The following PPP2R2C variants were observed in gnomAD, a reference collection of about 807,000 sequenced individuals.
PPP2R2C encodes protein phosphatase 2, regulatory subunit B, gamma.
PPP2R2C carries 10 observed loss-of-function variants against 45.3 expected under a neutral mutation model. The ratio of observed to expected loss-of-function variants is 0.22; its 90% confidence interval spans 0.14 to 0.37. PPP2R2C has a LOEUF of 0.37. PPP2R2C is among the 10% of genes least tolerant of loss of function. PPP2R2C has a pLI of 1.00. For missense variants in PPP2R2C, 308 were observed against 619.7 expected (o/e 0.50, Z 5.34); for synonymous variants, 257 against 245.4 (o/e 1.05, Z -0.44).
intron 1 of PPP2R2C, among the ~76,000 whole-genome samples, chr4:6,461,169 C>T (rs1439204386): frequency 2.0e-5 from 3 of 152,182 alleles, no homozygotes; most frequent in African/African-American, 7.2e-5. Flanking sequence ...TCCTAGCCAC[C>T]GCATGACTCT....
At chr4:6,509,310 T>A (rs972816452) in intron 2 of PPP2R2C, among the ~76,000 whole-genome samples, 1 of 152,134 alleles carries the variant, frequency 6.6e-6, no homozygotes, top group African/African-American at 2.4e-5. Context: ...GGTATCTTCA[T>A]CTCAGTCTGC....
chr4:6,460,958 C>T (rs1189303678), intron 1 of PPP2R2C, among the ~76,000 whole-genome samples: 1 of 152,118 alleles, frequency 6.6e-6, no homozygotes, highest in Non-Finnish European at 1.5e-5. Context: ...CCCACTCCAC[C>T]CCACCCCACA....
chr4:6,539,579 C>T (rs1440776408), intron 1 of PPP2R2C, among the ~76,000 whole-genome samples: 1 of 150,166 alleles, frequency 6.7e-6, no homozygotes, highest in Non-Finnish European at 1.5e-5. Context: ...TGCTTTCCTT[C>T]TCCCCTTCAA....
rs542629037 is a variant in PPP2R2C at position 6,450,625 on chromosome 4, C to T, written c.70+21535G>A. 5.3e-5 allele frequency among the ~76,000 whole-genome samples: 8 copies of T among 152,312 alleles called. No individual in the cohort carries two copies. In the South Asian group the frequency reaches 1.5e-3, roughly 28 times the overall value. Reference sequence around the variant, plus strand: ...ACCCCAGACACAGCACCCACCCAGGCAGCTGCCTGGAGCCCCAGAGGTGCA... The same window carrying T: ...ACCCCAGACACAGCACCCACCCAGGTAGCTGCCTGGAGCCCCAGAGGTGCA... On this transcript the variant is annotated intron_variant, in intron 1 of 8. Coordinates refer to ENST00000382599, the MANE Select transcript of PPP2R2C (RefSeq NM_020416.4).
intron 1 of PPP2R2C, among the ~76,000 whole-genome samples, chr4:6,535,896 G>A (rs1023532776): frequency 5.1e-4 from 77 of 152,158 alleles, no homozygotes; most frequent in African/African-American, 1.6e-3. Context: ...CTGAACTGTC[G>A]CCACCTCCAG....
In PPP2R2C at chr4:6,378,434, C is replaced by T; in HGVS notation, c.307G>A (p.Ala103Thr). The part of the protein sequence containing the change: ...NKIKWLPQQN[A>T]AHSLLSTNDK... ...TTGGTGGACAGGAGTGAGTGGGCGGCGTTCTGCTGTGGGAGCCACTTGATC... is the reference window on the plus strand; with the variant it reads ...TTGGTGGACAGGAGTGAGTGGGCGGTGTTCTGCTGTGGGAGCCACTTGATC... The change falls in exon 3 of 9, where the codon GCC becomes ACC. Residue 103 changes from alanine to threonine, a missense_variant. Coordinates refer to ENST00000382599, the MANE Select transcript of PPP2R2C (RefSeq NM_020416.4). The surrounding 1 kb of genome is among the most constrained non-coding windows in gnomAD (Gnocchi z 5.2). 5 of 1,614,182 alleles carry T rather than the reference C, an allele frequency of 3.1e-6. No individual in the cohort carries two copies. The highest frequency in any genetic ancestry group is 1.1e-5 in the South Asian group (1 of 91,090).
Position 6,346,323 on chromosome 4 carries a change from A to G in PPP2R2C, c.790+1523T>C, listed in dbSNP as rs1048067843. On this transcript the variant is annotated intron_variant, in intron 6 of 8. Transcript: ENST00000382599. ...CCCTTGACCTACAGGCAATGTGTGGAGTCACGGCCACTGCAGTGCCCTCCT... is the reference window on the plus strand; with the variant it reads ...CCCTTGACCTACAGGCAATGTGTGGGGTCACGGCCACTGCAGTGCCCTCCT... Among the ~76,000 whole-genome samples the G allele has an allele frequency of 2.0e-5, 3 of 152,246 alleles. No homozygotes were observed. The South Asian group carries it at 6.2e-4, about 32-fold the overall frequency.
chr4:6,524,293 C>G (rs528104507), intron 2 of PPP2R2C, among the ~76,000 whole-genome samples: 4 of 152,208 alleles, frequency 2.6e-5, no homozygotes, highest in African/African-American at 9.6e-5. Flanking sequence ...ATGAAAGAAG[C>G]TGAATGTAAG....
intron 1 of PPP2R2C, among the ~76,000 whole-genome samples, chr4:6,456,588 C>T (rs1721050826): frequency 6.6e-6 from 1 of 152,208 alleles, no homozygotes; most frequent in African/African-American, 2.4e-5. Context: ...CAGCCCCTCG[C>T]TCCTTCGGTC....
In PPP2R2C at chr4:6,330,361, C is replaced by T. The variant is rs1315435034; in HGVS notation, c.961-1008G>A. On this transcript the variant is annotated intron_variant, in intron 7 of 8. Coordinates refer to ENST00000382599, the MANE Select transcript of PPP2R2C (RefSeq NM_020416.4). The surrounding 1 kb of genome is among the most constrained non-coding windows in gnomAD (Gnocchi z 7.0). ...CAGAAAATGTGAAGGGTGGTGTGAA[C>T]GTCAATTTCGTGTGTCAGCTTGGCT... Among the ~76,000 whole-genome samples the T allele has an allele frequency of 3.9e-5, 6 of 152,154 alleles. No homozygotes were observed. Among genetic ancestry groups the T allele is most frequent in the East Asian group, 1.9e-4 (1 of 5,196 alleles).
chr4:6,369,490 A>G (rs765083413), intron 5 of PPP2R2C, among the ~76,000 whole-genome samples: 6 of 152,230 alleles, frequency 3.9e-5, no homozygotes, highest in Non-Finnish European at 8.8e-5. Context: ...TAAAGAAAAC[A>G]ATTTTTTTTA....
chr4:6,501,667 C>T lies in PPP2R2C; in HGVS notation c.49+33604G>A, dbSNP rs540528998. ...CAATGGGGGAAAGGAGGTCCTTGTC[C>T]CATGAGGAAGGCATGCGTGTTGGCC... On this transcript the variant is annotated intron_variant, in intron 2 of 9. Transcript: ENST00000506140. Among the ~76,000 whole-genome samples the T allele has an allele frequency of 3.3e-5, 5 of 152,276 alleles. 1 individual carries two copies. In the South Asian group the frequency reaches 1.0e-3, roughly 32 times the overall value.
chr4:6,539,041 G>A (rs1402081155), intron 1 of PPP2R2C, among the ~76,000 whole-genome samples: 1 of 152,054 alleles, frequency 6.6e-6, no homozygotes, highest in Non-Finnish European at 1.5e-5. Context: ...AGAACCTCAG[G>A]ATGTGATCTT....
chr4:6,413,051 T>A (rs936073355), intron 1 of PPP2R2C, among the ~76,000 whole-genome samples: 1 of 152,200 alleles, frequency 6.6e-6, no homozygotes, highest in Non-Finnish European at 1.5e-5. Flanking sequence ...CAGACTAAGA[T>A]AGACTCTAAC....
At chr4:6,515,312 C>G (rs1184363468) in intron 2 of PPP2R2C, among the ~76,000 whole-genome samples, 1 of 152,208 alleles carries the variant, frequency 6.6e-6, no homozygotes, top group Non-Finnish European at 1.5e-5. Context: ...CTTCTTGGCA[C>G]AGCTGGGAAG....
intron 2 of PPP2R2C, among the ~76,000 whole-genome samples, chr4:6,494,535 C>T (rs1202886553): frequency 6.6e-6 from 1 of 152,222 alleles, no homozygotes; most frequent in African/African-American, 2.4e-5. Context: ...CCACCTGGAC[C>T]ACACGGGTGC....
rs115870081 is a variant in PPP2R2C at position 6,348,884 on chromosome 4, T to C, written c.626-874A>G. The C allele has an allele frequency of 8.1e-4, 597 of 734,892 alleles. 3 individuals carry two copies. In the African/African-American group the frequency reaches 0.011, roughly 13 times the overall value. 45.5% of individuals were successfully genotyped at this position (734,892 alleles called of 1,614,324 possible). On this transcript the variant is annotated intron_variant, in intron 5 of 8. Coordinates refer to ENST00000382599, the MANE Select transcript of PPP2R2C (RefSeq NM_020416.4). ...AGCCAATAAATGTCCATTTTTTGTT[T>C]AGAGTCAAGAACTTTGCTGCTTGCA... is the stretch of plus-strand genomic sequence containing the variant.
At chr4:6,461,060 G>T (rs1294679861) in intron 1 of PPP2R2C, among the ~76,000 whole-genome samples, 1 of 152,036 alleles carries the variant, frequency 6.6e-6, no homozygotes, top group East Asian at 1.9e-4. Flanking sequence ...TGCAGCCGAA[G>T]CCCGGAATCC....
At position 6,425,371 on chromosome 4, in the gene PPP2R2C, C is replaced by A. The variant is rs1165564270; in HGVS notation, c.71-44277G>T. ...TGTCCTGGGCACCTGCACAGTCTCTCTGATCCAAATCGCCTCACTGCAGAG... is the reference window on the plus strand; with the variant it reads ...TGTCCTGGGCACCTGCACAGTCTCTATGATCCAAATCGCCTCACTGCAGAG... On this transcript the variant is annotated intron_variant, in intron 1 of 8. Transcript: ENST00000382599. 2.0e-5 allele frequency among the ~76,000 whole-genome samples: 3 copies of A among 152,226 alleles called. No homozygotes were observed. In the East Asian group the frequency reaches 5.8e-4, roughly 29 times the overall value.
Sources: allele counts gnomAD v4.1 joint callset (sites outside exome capture counted in the v4.1 genomes callset), GRCh38; gene constraint gnomAD v4.1.1; non-coding constraint Gnocchi (gnomAD v3.1); transcripts MANE v1.5; gene names NCBI Gene and HGNC (gene_info 2026-07-23, HGNC 2026-07-21).